The following HMG20A variants were observed in gnomAD, a reference collection of about 807,000 sequenced individuals.
The protein encoded by HMG20A is high mobility group protein 20A.
A neutral mutation model predicts 43.9 loss-of-function variants in HMG20A; 17 were observed. The observed-to-expected ratio is 0.39, with a 90% CI of 0.27 to 0.58. The LOEUF (loss-of-function observed/expected upper bound fraction) is 0.58, where lower values mean the gene tolerates loss of function less well. Ranked by LOEUF, HMG20A falls within the 20% of genes least tolerant of loss-of-function variation. The pLI is 0.59. For missense variants in HMG20A, 341 were observed against 438.2 expected, an observed-to-expected ratio of 0.78 and a Z score of 1.98; for synonymous variants, 132 against 147.5, an observed-to-expected ratio of 0.89 and a Z score of 0.76.
intron 6 of HMG20A, among the ~76,000 whole-genome samples, chr15:77,476,597 G>T (rs901931053): frequency 1.3e-5 from 2 of 150,720 alleles, no homozygotes; most frequent in Admixed American, 6.6e-5. Context: ...TATTATGTTT[G>T]CATGTTTTTC....
chr15:77,479,400 A>G (rs975677564), intron 9 of HMG20A, 79 bp downstream of exon 9: 11 of 1,363,202 alleles, frequency 8.1e-6, no homozygotes, highest in Admixed American at 6.1e-5. Context: ...CAATACTACT[A>G]AAACCCTGGG....
chr15:77,513,828 C>T, the HMG20A span, among the ~76,000 whole-genome samples: 232 of 151,804 alleles, frequency 1.5e-3, no homozygotes, highest in African/African-American at 3.3e-3. Context: ...CGGGTTCAAG[C>T]GATTCTCCTG....
At chr15:77,430,288 G>A (rs895114252) in intron 1 of HMG20A, among the ~76,000 whole-genome samples, 3 of 152,274 alleles carry the variant, frequency 2.0e-5, no homozygotes, top group Non-Finnish European at 4.4e-5. Flanking sequence ...TAAATAACTT[G>A]CCGAATCACT....
intron 2 of HMG20A, among the ~76,000 whole-genome samples, chr15:77,461,509 T>TGAGATCAAGGGTGC (rs1390715373): frequency 6.6e-6 from 1 of 152,132 alleles, no homozygotes; most frequent in East Asian, 1.9e-4. Context: ...CAAGAGGGTG[T>TGAGATCAAGGGTGC]GAGATCAAGG....
At chr15:77,444,640 TA>T in intron 1 of HMG20A, among the ~76,000 whole-genome samples, 1 of 152,356 alleles carries the variant, frequency 6.6e-6, no homozygotes, top group South Asian at 2.1e-4. Flanking sequence ...GTTGAAGTTT[TA>T]TCATGTTGAG....
intron 1 of HMG20A, among the ~76,000 whole-genome samples, chr15:77,443,590 C>T (rs1404655120): frequency 1.3e-5 from 2 of 151,668 alleles, no homozygotes; most frequent in Non-Finnish European, 2.9e-5. Context: ...CAGGGTTTCA[C>T]CATGTTGGCC....
chr15:77,466,121 C>T (rs1374641098), intron 3 of HMG20A, among the ~76,000 whole-genome samples: 3 of 152,122 alleles, frequency 2.0e-5, no homozygotes, highest in Non-Finnish European at 4.4e-5. Flanking sequence ...TGGATCACGC[C>T]TATAATCCCA....
chr15:77,451,084 A>G (rs554940149), intron 1 of HMG20A, among the ~76,000 whole-genome samples: 4 of 152,290 alleles, frequency 2.6e-5, no homozygotes, highest in South Asian at 4.1e-4. Context: ...ATGTCTTTCC[A>G]TGGCTTCATA....
the HMG20A span, among the ~76,000 whole-genome samples, chr15:77,511,894 A>G: frequency 6.6e-6 from 1 of 152,234 alleles, no homozygotes; most frequent in Admixed American, 6.5e-5. Context: ...TGATCCAGCA[A>G]GTCCACTTCT....
At chr15:77,439,537 A>G (rs1021568720) in intron 1 of HMG20A, among the ~76,000 whole-genome samples, 4 of 152,174 alleles carry the variant, frequency 2.6e-5, no homozygotes, top group African/African-American at 7.2e-5. Context: ...CATTATATCT[A>G]TGAAATTCAT....
chr15:77,436,522 G>C (rs898762002), intron 1 of HMG20A, among the ~76,000 whole-genome samples: 1 of 151,258 alleles, frequency 6.6e-6, no homozygotes, highest in Non-Finnish European at 1.5e-5. Context: ...GCAGTGGCAT[G>C]TTCTCGGCTC....
At chr15:77,476,665 T>TAA in intron 6 of HMG20A, among the ~76,000 whole-genome samples, 1 of 152,262 alleles carries the variant, frequency 6.6e-6, no homozygotes, top group South Asian at 2.1e-4. Flanking sequence ...ATTTCTCACT[T>TAA]CCTGCCATTT....
chr15:77,478,204 C>A, intron 7 of HMG20A, 91 bp from the exon 8 acceptor site: 1 of 1,255,842 alleles, frequency 8.0e-7, no homozygotes, highest in Non-Finnish European at 1.2e-6. Context: ...AAATTAGAGG[C>A]AGCTAAGCAG....
At chr15:77,461,460 A>G (rs568963056) in intron 2 of HMG20A, among the ~76,000 whole-genome samples, 306 of 152,342 alleles carry the variant, frequency 2.0e-3, no homozygotes, top group Non-Finnish European at 3.5e-3. Flanking sequence ...TGGTATTGCC[A>G]GAAAGGACAG....
chr15:77,469,262 A>G (rs781330731), intron 4 of HMG20A, among the ~76,000 whole-genome samples: 3 of 105,336 alleles, frequency 2.8e-5, no homozygotes, highest in African/African-American at 5.8e-5. Flanking sequence ...AGCCTGTTTT[A>G]CATCAACATT....
At chr15:77,426,086 A>G (rs12898522) in intron 1 of HMG20A, among the ~76,000 whole-genome samples, 11,714 of 152,294 alleles carry the variant, frequency 0.077, 562 homozygotes, top group Non-Finnish European at 0.1. Flanking sequence ...AGAGACAGAA[A>G]GTACATTAGT....
chr15:77,482,167 G>A (rs1052730523), intron 9 of HMG20A: 1 of 152,208 alleles, frequency 6.6e-6, no homozygotes, highest in African/African-American at 2.4e-5. Context: ...TAAGGAAGAG[G>A]TGGATGGGGG....
chr15:77,490,570 C>T (rs559921829), downstream of HMG20A, among the ~76,000 whole-genome samples: 2 of 152,268 alleles, frequency 1.3e-5, no homozygotes, highest in Admixed American at 1.3e-4. Flanking sequence ...CGCGTGTAAT[C>T]CCAGTACTTT....
At chr15:77,430,862 TGAA>T (rs1284436030) in intron 1 of HMG20A, among the ~76,000 whole-genome samples, 1 of 152,176 alleles carries the variant, frequency 6.6e-6, no homozygotes, top group Non-Finnish European at 1.5e-5. Flanking sequence ...GAGGAAATGA[TGAA>T]GAAGTCTAAC....
Sources: allele counts gnomAD v4.1 joint callset (sites outside exome capture counted in the v4.1 genomes callset), GRCh38; gene constraint gnomAD v4.1.1; transcripts MANE v1.5; gene names NCBI Gene and HGNC (gene_info 2026-07-23, HGNC 2026-07-21).